HECTD2: variants seen among roughly 807,000 people sequenced by gnomAD.
HECTD2 encodes HECT domain E3 ubiquitin protein ligase 2, also known as probable E3 ubiquitin-protein ligase HECTD2.
Under a neutral mutation model 103.2 loss-of-function variants are expected in HECTD2, and 35 were observed. The observed-to-expected ratio is 0.34, with a 90% CI of 0.26 to 0.45. The LOEUF (loss-of-function observed/expected upper bound fraction) is 0.45, where lower values mean the gene tolerates loss of function less well. Ranked by LOEUF, HECTD2 falls within the 20% of genes least tolerant of loss-of-function variation. The pLI is 1.00. For synonymous variants in HECTD2, 281 were observed against 329.9 expected (o/e 0.85, Z 1.61); for missense variants, 596 against 937.4 (o/e 0.64, Z 4.76).
intron 5 of HECTD2, among the ~76,000 whole-genome samples, chr10:91,471,633 A>G (rs551418370): frequency 6.6e-6 from 1 of 152,326 alleles, no homozygotes; most frequent in East Asian, 1.9e-4. Context: ...TGCAAAATCA[A>G]TATATAAAAA....
At chr10:91,427,733 A>C in intron 2 of HECTD2, among the ~76,000 whole-genome samples, 1 of 152,016 alleles carries the variant, frequency 6.6e-6, no homozygotes, top group East Asian at 1.9e-4. Flanking sequence ...AGTTCATTGT[A>C]GATTCTGGAT....
intron 5 of HECTD2, among the ~76,000 whole-genome samples, chr10:91,469,044 CTCAG>C (rs1589517777): frequency 1.3e-5 from 2 of 151,292 alleles, no homozygotes; most frequent in Admixed American, 6.6e-5. Context: ...TCCTAAATAG[CTCAG>C]TCAGACAAAA....
At chr10:91,457,342 A>G (rs1003118683) in intron 2 of HECTD2, among the ~76,000 whole-genome samples, 1 of 152,046 alleles carries the variant, frequency 6.6e-6, no homozygotes, top group African/African-American at 2.4e-5. Context: ...AAACCAGAGA[A>G]AGATAGTTTA....
chr10:91,469,594 C>G (rs190398869), intron 5 of HECTD2, among the ~76,000 whole-genome samples: 3 of 152,252 alleles, frequency 2.0e-5, no homozygotes, highest in Non-Finnish European at 4.4e-5. Flanking sequence ...TACAAGAAAT[C>G]CTTAAGGGAG....
At chr10:91,493,326 G>A (rs1846546339) in intron 13 of HECTD2, 94 bp from the exon 14 acceptor site, 1 of 553,764 alleles carries the variant, frequency 1.8e-6, no homozygotes, top group Non-Finnish European at 3.0e-6. Flanking sequence ...GAATTGATTA[G>A]CTTCTAATAG....
intron 1 of HECTD2, among the ~76,000 whole-genome samples, chr10:91,411,090 A>G (rs183897394): frequency 7.2e-5 from 11 of 152,006 alleles, no homozygotes; most frequent in African/African-American, 2.4e-4. Flanking sequence ...GTGTAGTGGG[A>G]GGTAGATGCA....
At chr10:91,471,790 C>T (rs1845737554) in intron 5 of HECTD2, among the ~76,000 whole-genome samples, 2 of 152,052 alleles carry the variant, frequency 1.3e-5, no homozygotes, top group Non-Finnish European at 2.9e-5. Flanking sequence ...AATTACAAAA[C>T]ACTGCTCCAA....
At chr10:91,414,798 A>C (rs1291261256) in intron 1 of HECTD2, among the ~76,000 whole-genome samples, 1 of 152,246 alleles carries the variant, frequency 6.6e-6, no homozygotes, top group Non-Finnish European at 1.5e-5. Flanking sequence ...AAGCGAGCCC[A>C]GTGGAAGCAT....
At chr10:91,415,196 G>GTGTT (rs1462714218) in intron 1 of HECTD2, among the ~76,000 whole-genome samples, 1 of 128,640 alleles carries the variant, frequency 7.8e-6, no homozygotes, top group Non-Finnish European at 1.7e-5. Context: ...TAGAGAAAGT[G>GTGTT]TGTGTGTGTG....
intron 5 of HECTD2, among the ~76,000 whole-genome samples, chr10:91,466,333 A>T (rs886185508): frequency 1.3e-5 from 2 of 152,114 alleles, no homozygotes; most frequent in Non-Finnish European, 2.9e-5. Context: ...CTAGAGGCTT[A>T]TCACTTTTAT....
Position 91,485,272 on chromosome 10 carries a change from C to G in HECTD2, c.1063C>G (p.His355Asp). 1 of 1,594,686 alleles carries G rather than the reference C, an allele frequency of 6.3e-7. No homozygotes were observed. Among genetic ancestry groups the G allele is most frequent in the Non-Finnish European group, 8.5e-7 (1 of 1,172,404 alleles). The change falls in exon 10 of 21, where the codon CAT (histidine) becomes GAT (aspartate). Residue 355 changes from histidine (H) to aspartate (D), a missense_variant. By Grantham distance (81) the His-to-Asp change is moderately conservative. This residue lies in a region of HECTD2 where 303 missense variants were observed against 522.5 expected (regional missense o/e 0.58). Transcript: ENST00000298068. Reference protein sequence around the residue: ...LDHIDLMEEYHTWQNFGNSHR... With the variant: ...LDHIDLMEEYDTWQNFGNSHR... ...TCACATTGATCTCATGGAAGAATAT[C>G]ATACTTGGCAAAACTTTGGAAACTC...
In HECTD2 at chr10:91,491,296, T is replaced by A; in HGVS notation, c.1288T>A (p.Ser430Thr). The change falls in exon 12 of 21, where the codon TCA (serine) becomes ACA (threonine). Residue 430 changes from serine (S) to threonine (T), a missense_variant. Ser to Thr is a moderately conservative substitution (Grantham distance 58). This residue lies in a region of HECTD2 where 303 missense variants were observed against 522.5 expected (regional missense o/e 0.58). Transcript: ENST00000298068. ...AAGACGGACACATCTGGTTAGCGAT[T>A]CACTTGATGAGGTATAATTTATTCC... Reference protein sequence around the residue: ...KVRRTHLVSDSLDELTRKRAD... With the variant: ...KVRRTHLVSDTLDELTRKRAD... 1 of 1,433,790 alleles carries A rather than the reference T, an allele frequency of 7.0e-7. No individual in the cohort carries two copies. The highest frequency in any genetic ancestry group is 9.7e-7 in the Non-Finnish European group (1 of 1,027,884). 88.8% of individuals were successfully genotyped at this position (1,433,790 alleles called of 1,614,324 possible). A position where few individuals can be genotyped will look rare whatever the true frequency, so the allele number is the denominator to read the frequency against.
At chr10:91,463,674 T>A (rs1190418140) in intron 5 of HECTD2, 3 of 152,228 alleles carry the variant, frequency 2.0e-5, no homozygotes. Context: ...GACCTCTTTG[T>A]CTTATTCCCA....
At chr10:91,478,336 CAT>C (rs952610406) in intron 6 of HECTD2, 71 bp downstream of exon 6, 73 of 901,478 alleles carry the variant, frequency 8.1e-5, no homozygotes, top group African/African-American at 4.1e-4. Flanking sequence ...ATCTTTAACA[CAT>C]GTGTATGTAT....
chr10:91,487,857 G>A lies in HECTD2; in HGVS notation c.1191+79G>A. ...ATTTAATAAATAATTTAAATGTCTT[G>A]TGAATTGTTCTAGCATAATCAGGAA... On this transcript the variant is annotated intron_variant, in intron 11 of 20. Coordinates refer to ENST00000298068, the MANE Select transcript of HECTD2 (RefSeq NM_182765.6). The surrounding 1 kb of genome is among the most constrained non-coding windows in gnomAD (Gnocchi z 4.1). 2 of 870,980 alleles carry A rather than the reference G, an allele frequency of 2.3e-6. No individual in the cohort carries two copies. The highest frequency in any genetic ancestry group is 2.0e-5 in the South Asian group (1 of 49,164). 54.0% of individuals were successfully genotyped at this position (870,980 alleles called of 1,614,324 possible).
intron 7 of HECTD2, among the ~76,000 whole-genome samples, chr10:91,481,473 A>C (rs2133278886): frequency 6.6e-6 from 1 of 151,872 alleles, no homozygotes; most frequent in East Asian, 1.9e-4. Context: ...CCTCCATTCA[A>C]ACCTGTTTCT....
intron 2 of HECTD2, among the ~76,000 whole-genome samples, chr10:91,445,249 C>T (rs1844549165): frequency 6.6e-6 from 1 of 152,046 alleles, no homozygotes; most frequent in South Asian, 2.1e-4. Context: ...CTAGCCAGCA[C>T]AGATGGCAAC....
intron 2 of HECTD2, among the ~76,000 whole-genome samples, chr10:91,437,619 C>CTTTTTTTTTTTTTTTTTTTTGTTGTTTT (rs59785873): frequency 5.7e-5 from 5 of 87,418 alleles, no homozygotes; most frequent in Non-Finnish European, 1.1e-4. Flanking sequence ...GATGGTTGTT[C>CTTTTTTTTTTTTTTTTTTTTGTTGTTTT]TTTTTTTTTT....
intron 2 of HECTD2, among the ~76,000 whole-genome samples, chr10:91,438,188 C>G (rs557504334): frequency 1.3e-4 from 20 of 152,126 alleles, no homozygotes; most frequent in African/African-American, 4.8e-4. Flanking sequence ...ACCCATCAAC[C>G]CGTCATCTAC....
Sources: allele counts gnomAD v4.1 joint callset (sites outside exome capture counted in the v4.1 genomes callset), GRCh38; gene constraint gnomAD v4.1.1; regional missense constraint gnomAD v4.1.1; non-coding constraint Gnocchi (gnomAD v3.1); transcripts MANE v1.5; gene names NCBI Gene and HGNC (gene_info 2026-07-23, HGNC 2026-07-21).